WWOX: variants seen among roughly 807,000 people sequenced by gnomAD.
WWOX encodes WW domain-containing oxidoreductase.
In WWOX, 69 loss-of-function variants were observed where a neutral mutation model predicts 46.2. That is an observed-to-expected ratio of 1.49 (90% CI 1.23 to 1.82). The LOEUF (loss-of-function observed/expected upper bound fraction) is 1.82. Among genes scored for constraint, WWOX ranks in the 40% most tolerant of loss-of-function variants. The pLI, the probability that WWOX is intolerant of heterozygous loss-of-function variation, is 0.00. For missense variants in WWOX, 919 were observed against 542.6 expected, an observed-to-expected ratio of 1.69 and a Z score of -6.89; for synonymous variants, 359 against 202.6, an observed-to-expected ratio of 1.77 and a Z score of -6.56.
At chr16:78,578,769 G>C (rs2044971850) in intron 8 of WWOX, among the ~76,000 whole-genome samples, 2 of 152,130 alleles carry the variant, frequency 1.3e-5, no homozygotes, top group African/African-American at 4.8e-5. Context: ...CAACCGCATG[G>C]TTTTCTGAAA....
intron 5 of WWOX, among the ~76,000 whole-genome samples, chr16:78,232,128 T>G (rs9935037): frequency 1.3e-5 from 2 of 151,718 alleles, no homozygotes; most frequent in Non-Finnish European, 2.9e-5. Flanking sequence ...TTATTTTTTT[T>G]AAAAAAATGA....
In WWOX at chr16:78,344,882, C is replaced by G. The variant is rs1458237749; in HGVS notation, c.517-41978C>G. ...AAGAAGTTAGTTTGGTGAACATGGG[C>G]TTCAGGGTCAGACTGCTTGTGTTCC... On this transcript the variant is annotated intron_variant, in intron 5 of 8. Transcript: ENST00000566780. 1.7e-5 allele frequency among the ~76,000 whole-genome samples: 2 copies of G among 121,190 alleles called. 1 individual carries two copies. Among genetic ancestry groups the G allele is most frequent in the Non-Finnish European group, 3.9e-5 (2 of 50,692 alleles). 79.5% of individuals were successfully genotyped at this position (121,190 alleles called of 152,430 possible).
chr16:78,394,200 A>G (rs929187054), intron 6 of WWOX, among the ~76,000 whole-genome samples: 1 of 152,222 alleles, frequency 6.6e-6, no homozygotes, highest in Non-Finnish European at 1.5e-5. Context: ...CTCTTGGCTC[A>G]ATATGAGAAA....
chr16:78,747,714 C>T (rs1051836207), intron 8 of WWOX, among the ~76,000 whole-genome samples: 1 of 152,198 alleles, frequency 6.6e-6, no homozygotes, highest in African/African-American at 2.4e-5. Context: ...CTGTCTGCCT[C>T]TTCTTCCCTA....
At chr16:78,736,624 A>G (rs1384324125) in intron 8 of WWOX, among the ~76,000 whole-genome samples, 1 of 151,336 alleles carries the variant, frequency 6.6e-6, no homozygotes, top group Non-Finnish European at 1.5e-5. Flanking sequence ...CTGAGATAGG[A>G]TCTGTCTCTT....
chr16:78,384,312 G>A (rs1323389371), intron 5 of WWOX, among the ~76,000 whole-genome samples: 1 of 152,136 alleles, frequency 6.6e-6, no homozygotes, highest in East Asian at 1.9e-4. Context: ...ACGAGGCAGG[G>A]ACCAGAGGAC....
intron 8 of WWOX, among the ~76,000 whole-genome samples, chr16:78,786,812 T>C (rs1172568598): frequency 6.6e-6 from 1 of 152,224 alleles, no homozygotes; most frequent in Admixed American, 6.5e-5. Flanking sequence ...ATACATGCTT[T>C]ATGGATTTTT....
intron 6 of WWOX, among the ~76,000 whole-genome samples, chr16:78,393,191 T>C (rs900273997): frequency 3.9e-5 from 6 of 152,172 alleles, no homozygotes; most frequent in Non-Finnish European, 7.3e-5. Context: ...AGACCAAATA[T>C]TGGGGTTTTC....
At chr16:78,336,460 C>G (rs989709408) in intron 5 of WWOX, among the ~76,000 whole-genome samples, 4 of 146,272 alleles carry the variant, frequency 2.7e-5, no homozygotes, top group South Asian at 4.4e-4. Flanking sequence ...GAGCCAAGAT[C>G]TCACCACTGC....
chr16:78,998,413 C>G (rs188956871), intron 8 of WWOX, among the ~76,000 whole-genome samples: 4 of 152,228 alleles, frequency 2.6e-5, no homozygotes, highest in African/African-American at 9.6e-5. Flanking sequence ...AGAAGATGCT[C>G]CACATGTGTT....
chr16:78,948,972 C>T (rs960529509), intron 8 of WWOX, among the ~76,000 whole-genome samples: 7 of 152,058 alleles, frequency 4.6e-5, no homozygotes, highest in Non-Finnish European at 8.8e-5. Context: ...CACGTACTGC[C>T]ACTGGCTTTG....
intron 5 of WWOX, among the ~76,000 whole-genome samples, chr16:78,353,843 C>CTT (rs1166432069): frequency 6.6e-6 from 1 of 152,222 alleles, no homozygotes; most frequent in Admixed American, 6.5e-5. Context: ...GTGGCGTTCG[C>CTT]TTTACCCTTG....
intron 8 of WWOX, among the ~76,000 whole-genome samples, chr16:79,100,111 G>A (rs775398336): frequency 8.5e-5 from 13 of 152,098 alleles, no homozygotes; most frequent in Admixed American, 1.3e-4. Flanking sequence ...CTGAATAAGG[G>A]CTTCAATCAC....
At chr16:79,184,311 T>G (rs1231500429) in intron 8 of WWOX, among the ~76,000 whole-genome samples, 1 of 152,214 alleles carries the variant, frequency 6.6e-6, no homozygotes, top group Non-Finnish European at 1.5e-5. Flanking sequence ...ACCATTCATT[T>G]ATTCAACAAA....
At chr16:79,040,499 C>T (rs1461510595) in intron 8 of WWOX, among the ~76,000 whole-genome samples, 2 of 152,096 alleles carry the variant, frequency 1.3e-5, no homozygotes, top group African/African-American at 4.8e-5. Context: ...TGGTCTCGAA[C>T]TCCTGAGCTC....
chr16:78,264,748 G>C (rs1326606672), intron 5 of WWOX: 1 of 152,448 alleles, frequency 6.6e-6, no homozygotes, highest in East Asian at 1.9e-4. Flanking sequence ...ATGGGAACTT[G>C]TTTGCTGCCT....
chr16:78,811,720 T>C (rs1385191770), intron 8 of WWOX, among the ~76,000 whole-genome samples: 1 of 151,950 alleles, frequency 6.6e-6, no homozygotes, highest in Non-Finnish European at 1.5e-5. Flanking sequence ...AGGGGACCCA[T>C]CCTCAAGACT....
At chr16:79,119,349 T>A (rs1452742822) in intron 8 of WWOX, among the ~76,000 whole-genome samples, 1 of 151,992 alleles carries the variant, frequency 6.6e-6, no homozygotes, top group Non-Finnish European at 1.5e-5. Flanking sequence ...TCTAAAGAGG[T>A]TTCGTTATAT....
At chr16:78,289,301 G>A (rs752367235) in intron 5 of WWOX, among the ~76,000 whole-genome samples, 7 of 152,204 alleles carry the variant, frequency 4.6e-5, no homozygotes, top group Non-Finnish European at 7.4e-5. Flanking sequence ...AAACCTAGGC[G>A]AGGAGAGTTG....
Sources: allele counts gnomAD v4.1 joint callset (sites outside exome capture counted in the v4.1 genomes callset), GRCh38; gene constraint gnomAD v4.1.1; transcripts MANE v1.5; gene names NCBI Gene and HGNC (gene_info 2026-07-23, HGNC 2026-07-21).